The following SFMBT1 variants were observed in gnomAD, a reference collection of about 807,000 sequenced individuals.
SFMBT1 encodes scm-like with four MBT domains protein 1.
In SFMBT1, 32 loss-of-function variants were observed where a neutral mutation model predicts 108.7. That is an observed-to-expected ratio of 0.29 (90% CI 0.22 to 0.40). SFMBT1 has a LOEUF of 0.40. Among genes scored for constraint, SFMBT1 ranks in the 10% least tolerant of loss-of-function variants. The probability of loss-of-function intolerance (pLI) is 1.00; values close to 1 mark genes in which losing one functional copy is unlikely to be tolerated. For missense variants in SFMBT1, 816 were observed against 1,059.6 expected, an observed-to-expected ratio of 0.77 and a Z score of 3.19; for synonymous variants, 348 against 369.5, an observed-to-expected ratio of 0.94 and a Z score of 0.67.
chr3:52,907,685 C>G lies in SFMBT1; in HGVS notation c.1955G>C (p.Gly652Ala). 1.2e-6 allele frequency: 2 copies of G among 1,613,642 alleles called. No individual in the cohort carries two copies. The highest frequency in any genetic ancestry group is 1.7e-5 in the Admixed American group (1 of 59,850). ...GGCACAAGCTAAGTTACTATGCCCA[C>G]CAGGTGGCCTCCCAATTCTTTTATT... is the stretch of plus-strand genomic sequence containing the variant. ...KKNKRIGRPP[G>A]GHSNLACALK... Residue 652 changes from glycine to alanine, a missense_variant, in exon 18 of 21, where the codon GGT (glycine) becomes GCT (alanine). Physicochemically the swap from Gly to Ala is moderately conservative, Grantham distance 60. Coordinates refer to ENST00000394752, the MANE Select transcript of SFMBT1 (RefSeq NM_016329.4).
intron 2 of SFMBT1, among the ~76,000 whole-genome samples, chr3:52,963,412 A>C (rs902544163): frequency 3.9e-5 from 6 of 152,086 alleles, no homozygotes; most frequent in African/African-American, 1.4e-4. Flanking sequence ...TTGGTGGGAA[A>C]ACCACAAGAA....
chr3:52,918,077 G>A (rs1167089110), intron 13 of SFMBT1, among the ~76,000 whole-genome samples: 2 of 152,188 alleles, frequency 1.3e-5, no homozygotes, highest in Non-Finnish European at 2.9e-5. Context: ...ATTTCTTGAT[G>A]GGCACAAAGC....
In SFMBT1 at chr3:52,904,964, G is replaced by A. The variant is rs1276796439; in HGVS notation, c.*172C>T. ...CCACCAGCAGGTGATCCACTTCTGT[G>A]CACAGTTTTTGCTTCCTCACTGTGA... On this transcript the variant is annotated 3_prime_UTR_variant, in exon 21 of 21. Transcript: ENST00000394752. 4.3e-6 allele frequency: 3 copies of A among 699,990 alleles called. No homozygotes were observed. The East Asian group carries it at 9.1e-5, about 21-fold the overall frequency. 43.4% of individuals were successfully genotyped at this position (699,990 alleles called of 1,614,324 possible). A position where few individuals can be genotyped will look rare whatever the true frequency, so the allele number is the denominator to read the frequency against.
At chr3:53,043,224 T>A (rs1053624057) in intron 1 of SFMBT1, 3 of 152,154 alleles carry the variant, frequency 2.0e-5, no homozygotes, top group African/African-American at 7.2e-5. Flanking sequence ...CAGCATTTGC[T>A]TCAGTGGAGA....
Position 52,907,151 on chromosome 3 carries a change from A to G in SFMBT1, c.2249T>C (p.Leu750Pro). Reference protein sequence around the residue: ...SPTQSEISTSLPPDRQRRKRE... With the variant: ...SPTQSEISTSPPPDRQRRKRE... ...TTTTCTCCTTTGTCTATCTGGAGGC[A>G]GCGATGTGGATATCTCACTTTGGGT... is the stretch of plus-strand genomic sequence containing the variant. The change falls in exon 19 of 21, where the codon CTG (leucine) becomes CCG (proline). Residue 750 changes from leucine (L) to proline (P), a missense_variant. Leu to Pro is a moderately conservative substitution (Grantham distance 98). Around this residue, in one of 5 missense-constraint regions of SFMBT1, gnomAD observed 177 missense variants for 182.0 expected, o/e 0.97. Transcript: ENST00000394752. 6.2e-7 allele frequency: 1 copy of G among 1,614,186 alleles called. No homozygotes were observed. Among genetic ancestry groups the G allele is most frequent in the Non-Finnish European group, 8.5e-7 (1 of 1,180,024 alleles).
intron 1 of SFMBT1, among the ~76,000 whole-genome samples, chr3:52,989,422 C>CAAA (rs762327335): frequency 1.2e-5 from 1 of 81,698 alleles, no homozygotes. Context: ...GACTCCATCT[C>CAAA]AAAAAAAAAA....
At chr3:52,905,309 T>C (rs1320277767) in intron 20 of SFMBT1, 33 bp from the exon 21 acceptor site, 1 of 1,604,218 alleles carries the variant, frequency 6.2e-7, no homozygotes, top group Non-Finnish European at 8.5e-7. Context: ...TTATCTGTGA[T>C]GTGCACATGA....
At chr3:53,008,770 G>A (rs1434553911) in intron 1 of SFMBT1, among the ~76,000 whole-genome samples, 1 of 150,906 alleles carries the variant, frequency 6.6e-6, no homozygotes, top group African/African-American at 2.5e-5. Flanking sequence ...GAGTAGCTGG[G>A]ACTACAAGGC....
intron 14 of SFMBT1, among the ~76,000 whole-genome samples, chr3:52,915,603 C>T (rs934971406): frequency 6.6e-6 from 1 of 152,214 alleles, no homozygotes. Flanking sequence ...CATTACACAA[C>T]AAGCACGTGG....
intron 1 of SFMBT1, among the ~76,000 whole-genome samples, chr3:53,025,578 T>C (rs1302653594): frequency 6.6e-6 from 1 of 151,958 alleles, no homozygotes; most frequent in Non-Finnish European, 1.5e-5. Context: ...ATTGTGCCAC[T>C]GCACTCCAGC....
At chr3:52,930,295 G>T (rs768804032) in intron 8 of SFMBT1, 34 bp downstream of exon 8, 14 of 1,301,046 alleles carry the variant, frequency 1.1e-5, no homozygotes, top group Non-Finnish European at 1.6e-5. Flanking sequence ...CACCTTGACA[G>T]GGATTCTTAC....
At chr3:52,930,863 T>G in intron 7 of SFMBT1, 78 bp downstream of exon 7, 1 of 1,224,224 alleles carries the variant, frequency 8.2e-7, no homozygotes, top group South Asian at 1.2e-5. Context: ...CAGGGGCTGC[T>G]TTACACTTTC....
intron 1 of SFMBT1, among the ~76,000 whole-genome samples, chr3:52,991,635 C>T (rs927959144): frequency 3.3e-5 from 5 of 152,142 alleles, no homozygotes; most frequent in Non-Finnish European, 5.9e-5. Context: ...TGAGCCACCT[C>T]GCCCAGCCTG....
At chr3:53,001,488 A>G (rs191656757) in intron 1 of SFMBT1, among the ~76,000 whole-genome samples, 6 of 150,178 alleles carry the variant, frequency 4.0e-5, no homozygotes, top group Non-Finnish European at 6.0e-5. Flanking sequence ...TCATCCCTGA[A>G]CAGAAGAGTT....
chr3:52,959,460 C>T (rs1448742256), intron 2 of SFMBT1, among the ~76,000 whole-genome samples: 1 of 152,110 alleles, frequency 6.6e-6, no homozygotes, highest in African/African-American at 2.4e-5. Flanking sequence ...ACCACTTTAT[C>T]CCCAGCCAGA....
chr3:53,019,876 C>G lies in SFMBT1; in HGVS notation c.-131+25940G>C, dbSNP rs548020673. On this transcript the variant is annotated intron_variant, in intron 1 of 20. Coordinates refer to ENST00000394752, the MANE Select transcript of SFMBT1 (RefSeq NM_016329.4). Reference sequence around the variant, plus strand: ...AATCAAAACTCCTTACTGGGATATACGAGGCCCTGCAAGATCTGGTGTCCC... The same window carrying G: ...AATCAAAACTCCTTACTGGGATATAGGAGGCCCTGCAAGATCTGGTGTCCC... 2.0e-5 allele frequency among the ~76,000 whole-genome samples: 3 copies of G among 152,172 alleles called. No individual in the cohort carries two copies. In the South Asian group the frequency reaches 6.2e-4, roughly 32 times the overall value.
rs528378034 is a variant in SFMBT1 at position 52,998,850 on chromosome 3, G to A, written c.-130-29592C>T. On this transcript the variant is annotated intron_variant, in intron 1 of 20. Coordinates refer to ENST00000394752, the MANE Select transcript of SFMBT1 (RefSeq NM_016329.4). ...TTCAGCTACCACTGCAAGGGCCTGC[G>A]GGGTGACGGCTGTGCAGCGCTGCTC... is the stretch of plus-strand genomic sequence containing the variant. Among the ~76,000 whole-genome samples the A allele has an allele frequency of 3.3e-5, 5 of 150,650 alleles. 1 individual carries two copies. Among genetic ancestry groups the A allele is most frequent in the South Asian group, 2.1e-4 (1 of 4,760 alleles).
chr3:52,945,140 A>AAAAAAAAAAAAAAAAAAAAAAAAAC (rs1368281318), intron 3 of SFMBT1, among the ~76,000 whole-genome samples: 2 of 146,170 alleles, frequency 1.4e-5, no homozygotes, highest in Admixed American at 6.8e-5. Flanking sequence ...TCCAATTAAA[A>AAAAAAAAAAAAAAAAAAAAAAAAAC]AAAAAAAAAA....
In SFMBT1 at chr3:53,012,646, C is replaced by T. The variant is rs1456780806; in HGVS notation, c.-131+33170G>A. Among the ~76,000 whole-genome samples, 2 of 151,564 alleles carry T rather than the reference C, an allele frequency of 1.3e-5. 1 individual carries two copies. The highest frequency in any genetic ancestry group is 4.9e-5 in the African/African-American group (2 of 40,906). On this transcript the variant is annotated intron_variant, in intron 1 of 20. Coordinates refer to ENST00000394752, the MANE Select transcript of SFMBT1 (RefSeq NM_016329.4). Reference sequence around the variant, plus strand: ...CTCGATCTCCTGACCTCATGATCCGCCCGCCTCTGCCTCCCAAAGTGCTGG... The same window carrying T: ...CTCGATCTCCTGACCTCATGATCCGTCCGCCTCTGCCTCCCAAAGTGCTGG...
Sources: gnomAD v4.1 joint callset for allele counts (sites outside exome capture counted in the v4.1 genomes callset) on GRCh38, gnomAD v4.1.1 for gene constraint, gnomAD v4.1.1 regional missense constraint, MANE v1.5 for transcripts, NCBI Gene and HGNC (gene_info 2026-07-23, HGNC 2026-07-21) for gene names.